The following CAPS2 variants were observed in gnomAD, a reference collection of about 807,000 sequenced individuals.
The protein encoded by CAPS2 is calcyphosin-2.
Under a neutral mutation model 86.5 loss-of-function variants are expected in CAPS2, and 98 were observed. That is an observed-to-expected ratio of 1.13 (90% CI 0.96 to 1.34). The LOEUF (loss-of-function observed/expected upper bound fraction) is 1.34, where lower values mean the gene tolerates loss of function less well. CAPS2 is among the 40% of genes most tolerant of loss of function. The pLI is 0.00. For missense variants in CAPS2, 729 were observed against 686.8 expected, an observed-to-expected ratio of 1.06 and a Z score of -0.69; for synonymous variants, 210 against 225.1, an observed-to-expected ratio of 0.93 and a Z score of 0.60.
rs2035351282 is a variant in CAPS2 at position 75,288,828 on chromosome 12, TG to T, written c.1395+792del. ...AAAAACACTCTGGTCCCCACCCTGATGAGACTTAATGATCTACTGGCAGGCA... is the reference window on the plus strand; with the variant it reads ...AAAAACACTCTGGTCCCCACCCTGATAGACTTAATGATCTACTGGCAGGCA... On this transcript the variant is annotated intron_variant, in intron 14 of 16. Transcript: ENST00000393284. 4.6e-5 allele frequency among the ~76,000 whole-genome samples: 7 copies of T among 152,204 alleles called. No homozygotes were observed. In the South Asian group the frequency reaches 1.5e-3, roughly 32 times the overall value.
chr12:75,389,537 T>C (rs936651644), intron 1 of CAPS2, among the ~76,000 whole-genome samples: 2 of 152,220 alleles, frequency 1.3e-5, no homozygotes, highest in Non-Finnish European at 2.9e-5. Context: ...ACTTTTTCTT[T>C]AGCATTTTTT....
At chr12:75,349,288 T>A (rs534850017) in intron 1 of CAPS2, among the ~76,000 whole-genome samples, 7 of 152,282 alleles carry the variant, frequency 4.6e-5, no homozygotes, top group South Asian at 2.1e-4. Context: ...CCCATGTAAT[T>A]TGACTGTATC....
chr12:75,341,727 T>G (rs2139319207), intron 1 of CAPS2, among the ~76,000 whole-genome samples: 1 of 149,660 alleles, frequency 6.7e-6, no homozygotes, highest in Admixed American at 6.7e-5. Flanking sequence ...ATTAAAGGCG[T>G]GAGCCACCGC....
chr12:75,298,992 A>G, intron 9 of CAPS2, 26 bp from the exon 10 acceptor site: 12 of 1,398,826 alleles, frequency 8.6e-6, no homozygotes, highest in Non-Finnish European at 1.2e-5. Flanking sequence ...GAAATCAAAC[A>G]TCTTCAAATA....
At chr12:75,321,476 T>C in exon 5 of CAPS2, 1 of 1,546,336 alleles carries the variant, frequency 6.5e-7, no homozygotes. Context: ...TCTCTGACTA[T>C]ACTGCTTATA....
intron 7 of CAPS2, 125 bp from the exon 8 acceptor site, chr12:75,305,001 T>A: frequency 1.7e-6 from 1 of 601,734 alleles, no homozygotes. Flanking sequence ...GTCAGAATAT[T>A]TTTATTAAAT....
chr12:75,385,203 T>A (rs924974052), intron 1 of CAPS2, among the ~76,000 whole-genome samples: 1 of 152,150 alleles, frequency 6.6e-6, no homozygotes, highest in African/African-American at 2.4e-5. Flanking sequence ...CTGTAAGAAA[T>A]AAATTATTTT....
At chr12:75,316,712 C>T (rs955680152) in intron 5 of CAPS2, among the ~76,000 whole-genome samples, 1 of 151,998 alleles carries the variant, frequency 6.6e-6, no homozygotes, top group Non-Finnish European at 1.5e-5. Flanking sequence ...TATACATGTC[C>T]AACACTTTAT....
downstream of CAPS2, chr12:75,276,230 T>C (rs1426765582): frequency 7.1e-6 from 11 of 1,544,788 alleles, no homozygotes; most frequent in African/African-American, 1.4e-5. Flanking sequence ...ATTTTCATGT[T>C]TGTCCTTGCT....
At chr12:75,372,986 C>T (rs1057346469) in intron 1 of CAPS2, among the ~76,000 whole-genome samples, 3 of 152,194 alleles carry the variant, frequency 2.0e-5, no homozygotes, top group African/African-American at 7.2e-5. Flanking sequence ...ATGTCTATTC[C>T]AATGAGGATA....
chr12:75,323,038 G>T, exon 4 of CAPS2: 1 of 1,550,676 alleles, frequency 6.4e-7, no homozygotes, highest in East Asian at 2.5e-5. Context: ...AAGAGTAGAA[G>T]ATGAATTTGG....
At chr12:75,324,320 CGAGA>C (rs998668501) in intron 2 of CAPS2, among the ~76,000 whole-genome samples, 11 of 152,112 alleles carry the variant, frequency 7.2e-5, no homozygotes, top group African/African-American at 1.7e-4. Flanking sequence ...ATGGAATCTA[CGAGA>C]GAGAGACTAT....
At chr12:75,335,593 A>G (rs780835088) in intron 1 of CAPS2, among the ~76,000 whole-genome samples, 5 of 152,154 alleles carry the variant, frequency 3.3e-5, no homozygotes, top group Non-Finnish European at 5.9e-5. Context: ...ACTCATATCT[A>G]TTCCAGCTTT....
chr12:75,289,079 T>C (rs1395487316), intron 14 of CAPS2, among the ~76,000 whole-genome samples: 1 of 152,078 alleles, frequency 6.6e-6, no homozygotes, highest in African/African-American at 2.4e-5. Flanking sequence ...TATTAATCAT[T>C]TGCAGTGTCA....
At chr12:75,288,859 C>T (rs1361505475) in intron 14 of CAPS2, among the ~76,000 whole-genome samples, 1 of 151,926 alleles carries the variant, frequency 6.6e-6, no homozygotes, top group African/African-American at 2.4e-5. Flanking sequence ...CAGGCAGAGT[C>T]AGAAAATATT....
chr12:75,278,902 T>C (rs769959232), exon 17 of CAPS2: 1 of 1,574,342 alleles, frequency 6.4e-7, no homozygotes, highest in Non-Finnish European at 8.6e-7. Context: ...AAATCCCCCA[T>C]GGAGTACGTA....
intron 1 of CAPS2, chr12:75,366,815 C>T: frequency 1.4e-6 from 1 of 697,744 alleles, no homozygotes; most frequent in Non-Finnish European, 2.6e-6. Flanking sequence ...TCTGAGAGGG[C>T]TAAAAATGCC....
intron 6 of CAPS2, among the ~76,000 whole-genome samples, chr12:75,314,528 T>C (rs370926270): frequency 8.5e-5 from 13 of 152,300 alleles, no homozygotes; most frequent in African/African-American, 3.1e-4. Context: ...TGTCACTCTC[T>C]AAGCTCATGA....
intron 14 of CAPS2, 39 bp from the exon 15 acceptor site, chr12:75,285,119 A>G: frequency 1.9e-6 from 3 of 1,586,694 alleles, no homozygotes; most frequent in Non-Finnish European, 2.6e-6. Context: ...TTTTTAAGTT[A>G]CATATCGTCA....
Sources: gnomAD v4.1 joint callset for allele counts (sites outside exome capture counted in the v4.1 genomes callset) on GRCh38, gnomAD v4.1.1 for gene constraint, MANE v1.5 for transcripts, NCBI Gene and HGNC (gene_info 2026-07-23, HGNC 2026-07-21) for gene names.